Variants in ABR observed in about 807,000 individuals in gnomAD.
ABR encodes active breakpoint cluster region-related protein.
Under a neutral mutation model 107.2 loss-of-function variants are expected in ABR, and 35 were observed. The observed-to-expected ratio is 0.33, with a 90% CI of 0.25 to 0.43. The LOEUF (loss-of-function observed/expected upper bound fraction) is 0.43, where lower values mean the gene tolerates loss of function less well. Ranked by LOEUF, ABR falls within the 20% of genes least tolerant of loss-of-function variation. ABR has a pLI of 1.00. For missense variants in ABR, 815 were observed against 1,115.2 expected (o/e 0.73, Z 3.83); for synonymous variants, 498 against 462.0 (o/e 1.08, Z -1.00).
intron 1 of ABR, among the ~76,000 whole-genome samples, chr17:1,144,078 A>G (rs1275804685): frequency 1.3e-5 from 2 of 152,096 alleles, no homozygotes; most frequent in Non-Finnish European, 2.9e-5. Context: ...GCCACAGATT[A>G]AAGCTACTCT....
intron 1 of ABR, among the ~76,000 whole-genome samples, chr17:1,213,055 A>G (rs2042934411): frequency 6.6e-6 from 1 of 152,222 alleles, no homozygotes; most frequent in Non-Finnish European, 1.5e-5. Context: ...GAGTCAACCC[A>G]TCTAACCACG....
intron 16 of ABR, among the ~76,000 whole-genome samples, chr17:1,047,364 G>A (rs533424336): frequency 1.4e-3 from 213 of 152,372 alleles, no homozygotes; most frequent in Non-Finnish European, 2.3e-3. Flanking sequence ...GCCCGGGTTC[G>A]TGGGAACAGC....
chr17:1,040,196 A>G (rs1293196772), intron 16 of ABR, among the ~76,000 whole-genome samples: 2 of 152,120 alleles, frequency 1.3e-5, no homozygotes, highest in Non-Finnish European at 2.9e-5. Flanking sequence ...CAGGGCCCCC[A>G]GGACGCACGC....
chr17:1,201,169 T>C (rs1229412278), intron 1 of ABR, among the ~76,000 whole-genome samples: 1 of 152,180 alleles, frequency 6.6e-6, no homozygotes, highest in Non-Finnish European at 1.5e-5. Context: ...ACTGTTCACA[T>C]CAGCAATAGC....
intron 16 of ABR, chr17:1,031,979 C>T (rs2072844079): frequency 2.7e-6 from 2 of 746,240 alleles, no homozygotes; most frequent in Non-Finnish European, 1.8e-6. Flanking sequence ...TGAGCGCCGC[C>T]TCCCAGGCCC....
intron 21 of ABR, among the ~76,000 whole-genome samples, chr17:1,008,560 T>C (rs1430348768): frequency 6.6e-6 from 1 of 152,196 alleles, no homozygotes; most frequent in Non-Finnish European, 1.5e-5. Flanking sequence ...GCTTGCCAAA[T>C]GCTTTCGGAA....
At position 1,004,780 on chromosome 17, in the gene ABR, C is replaced by T. The variant is rs1337078640; in HGVS notation, c.*1300G>A. The T allele has an allele frequency of 2.8e-6, 1 of 354,910 alleles. No individual in the cohort carries two copies. The highest frequency in any genetic ancestry group is 2.1e-5 in the African/African-American group (1 of 47,808). 22.0% of individuals were successfully genotyped at this position (354,910 alleles called of 1,614,324 possible). On this transcript the variant is annotated 3_prime_UTR_variant, in exon 23 of 23. Transcript: ENST00000302538. Reference sequence around the variant, plus strand: ...CTCTCCCCACAACTTCTGGAGTTCCCAGTGTTTACCCAAAAGGCTGTATCC... The same window carrying T: ...CTCTCCCCACAACTTCTGGAGTTCCTAGTGTTTACCCAAAAGGCTGTATCC...
At chr17:1,176,869 CAAAAA>C (rs67373798) in intron 1 of ABR, among the ~76,000 whole-genome samples, 2 of 139,168 alleles carry the variant, frequency 1.4e-5, no homozygotes, top group Admixed American at 7.1e-5. Flanking sequence ...AAACAAAAAA[CAAAAA>C]AAAAAAAGAA....
intron 16 of ABR, among the ~76,000 whole-genome samples, chr17:1,046,250 C>T (rs1476321181): frequency 4.5e-5 from 6 of 133,540 alleles, no homozygotes; most frequent in Non-Finnish European, 1.1e-4. Context: ...CTAATCCGCC[C>T]GCCTCGGCCT....
intron 16 of ABR, among the ~76,000 whole-genome samples, chr17:1,038,584 C>T (rs2073375919): frequency 3.3e-5 from 5 of 152,338 alleles, no homozygotes; most frequent in Admixed American, 3.3e-4. Context: ...GTGCCCATCC[C>T]TCCCTGCCCC....
rs750591980 is a variant in ABR at position 1,056,040 on chromosome 17, G to A, written c.1556C>T (p.Ser519Leu). The A allele has an allele frequency of 6.2e-7, 1 of 1,614,052 alleles. No individual in the cohort carries two copies. Among genetic ancestry groups the A allele is most frequent in the Non-Finnish European group, 8.5e-7 (1 of 1,179,876 alleles). ...IVHSAKGFKQ[S>L]ANLYCTLEVD... ...GTCCTGGCCAGGGCACTTACTGGCTGATTGCTTAAATCCCTTGGCAGAGTG... is the reference window on the plus strand; with the variant it reads ...GTCCTGGCCAGGGCACTTACTGGCTAATTGCTTAAATCCCTTGGCAGAGTG... The change falls in exon 14 of 23, where the codon TCA becomes TTA. Residue 519 changes from serine to leucine, a missense_variant. Ser to Leu is a moderately radical substitution (Grantham distance 145). Transcript: ENST00000302538.
At chr17:1,042,547 C>CACAG (rs2030780515) in intron 16 of ABR, among the ~76,000 whole-genome samples, 8 of 151,438 alleles carry the variant, frequency 5.3e-5, no homozygotes, top group East Asian at 1.9e-4. Context: ...CACCTACATC[C>CACAG]ATGGACGGAT....
chr17:1,065,799 G>T (rs1475967442), intron 10 of ABR, among the ~76,000 whole-genome samples: 1 of 145,390 alleles, frequency 6.9e-6, no homozygotes, highest in African/African-American at 2.6e-5. Context: ...AGGCTGGAGT[G>T]CAGCAGCGGA....
chr17:1,011,226 G>A lies in ABR; in HGVS notation c.2102-363C>T, dbSNP rs760281251. 5.0e-5 allele frequency: 13 copies of A among 258,444 alleles called. No individual in the cohort carries two copies. The highest frequency in any genetic ancestry group is 1.0e-4 in the Admixed American group (2 of 20,098). 16.0% of individuals were successfully genotyped at this position (258,444 alleles called of 1,614,324 possible). ...GGAAGGCATTGCACACTTTTCACAC[G>A]TAAAAGCATGTTCCGACAAAGCCTC... On this transcript the variant is annotated intron_variant, in intron 19 of 22. Transcript: ENST00000302538. This position sits in a 1 kb window ranked among gnomAD's most constrained non-coding sequence, Gnocchi z 4.8.
At chr17:1,035,826 G>A (rs1404388559) in intron 16 of ABR, among the ~76,000 whole-genome samples, 2 of 150,174 alleles carry the variant, frequency 1.3e-5, no homozygotes, top group African/African-American at 2.5e-5. Context: ...GCTGTCCCCG[G>A]GGAGACGTGG....
Position 1,072,670 on chromosome 17 carries a change from T to C in ABR, c.838A>G (p.Ser280Gly). ...CGGGGGTCGATGTCCTCGTTGATGCTGGACAGGAAGTTCTGGGAGATGCGG... is the reference window on the plus strand; with the variant it reads ...CGGGGGTCGATGTCCTCGTTGATGCCGGACAGGAAGTTCTGGGAGATGCGG... ...ALRISQNFLS[S>G]INEDIDPRRT... Residue 280 changes from serine (S) to glycine (G), a missense_variant, in exon 8 of 23, where the codon AGC becomes GGC. Ser to Gly is a moderately conservative substitution (Grantham distance 56). Around this residue, in one of 5 missense-constraint regions of ABR, gnomAD observed 385 missense variants for 596.9 expected, o/e 0.64. Coordinates refer to ENST00000302538, the MANE Select transcript of ABR (RefSeq NM_021962.5). 6.2e-7 allele frequency: 1 copy of C among 1,613,316 alleles called. No individual in the cohort carries two copies. The highest frequency in any genetic ancestry group is 8.5e-7 in the Non-Finnish European group (1 of 1,179,648).
chr17:1,018,407 T>C (rs1177010964), intron 16 of ABR, among the ~76,000 whole-genome samples: 1 of 152,242 alleles, frequency 6.6e-6, no homozygotes, highest in East Asian at 1.9e-4. Context: ...TTCGATGTTT[T>C]GAGACCACCC....
intron 1 of ABR, among the ~76,000 whole-genome samples, chr17:1,176,711 G>A (rs2041929383): frequency 6.6e-6 from 1 of 152,132 alleles, no homozygotes; most frequent in Non-Finnish European, 1.5e-5. Context: ...CTGGGTTGTG[G>A]TGGCAGGCGC....
rs565483256 is a variant in ABR, at chr17:1,174,380, G to A, written c.61+5287C>T. 3.3e-5 allele frequency among the ~76,000 whole-genome samples: 5 copies of A among 152,330 alleles called. No homozygotes were observed. In the South Asian group the frequency reaches 1.0e-3, roughly 32 times the overall value. Reference sequence around the variant, plus strand: ...ACTAGCACACACGGAGGGGTCTGATGCGGCCCCGAGAACTGAACTGCTCTG... The same window carrying A: ...ACTAGCACACACGGAGGGGTCTGATACGGCCCCGAGAACTGAACTGCTCTG... On this transcript the variant is annotated intron_variant, in intron 1 of 22. Transcript: ENST00000302538.
Sources: allele counts gnomAD v4.1 joint callset (sites outside exome capture counted in the v4.1 genomes callset), GRCh38; gene constraint gnomAD v4.1.1; regional missense constraint gnomAD v4.1.1; non-coding constraint Gnocchi (gnomAD v3.1); transcripts MANE v1.5; gene names NCBI Gene and HGNC (gene_info 2026-07-23, HGNC 2026-07-21).